Variants in ITGA8 observed in about 807,000 individuals in gnomAD.
ITGA8 encodes the protein integrin alpha-8.
A neutral mutation model predicts 142.3 loss-of-function variants in ITGA8; 91 were observed. That is an observed-to-expected ratio of 0.64 (90% confidence interval 0.54 to 0.76). The LOEUF is 0.76. Among genes scored for constraint, ITGA8 ranks in the 30% least tolerant of loss-of-function variants. The pLI is 0.00. For synonymous variants in ITGA8, 505 were observed against 485.2 expected, an observed-to-expected ratio of 1.04 and a Z score of -0.54; for missense variants, 1,406 against 1,327.7, an observed-to-expected ratio of 1.06 and a Z score of -0.92.
intron 21 of ITGA8, chr10:15,596,545 G>GC (rs1441605058): frequency 6.6e-6 from 1 of 152,070 alleles, no homozygotes; most frequent in African/African-American, 2.4e-5. Context: ...ATTTATTTTT[G>GC]CCCCAAGAAG....
chr10:15,644,249 T>A, intron 12 of ITGA8, 28 bp from the exon 13 acceptor site: 10 of 1,591,392 alleles, frequency 6.3e-6, no homozygotes, highest in Non-Finnish European at 8.6e-6. Context: ...ACATGTTTTA[T>A]GTGTATATGT....
chr10:15,597,168 T>C (rs764630722), intron 21 of ITGA8, 39 bp downstream of exon 21: 2 of 1,505,038 alleles, frequency 1.3e-6, no homozygotes, highest in Non-Finnish European at 1.9e-6. Context: ...TGAAGTCCAG[T>C]TAGAAGGAAA....
chr10:15,695,350 T>C (rs1252085805), intron 2 of ITGA8, among the ~76,000 whole-genome samples: 2 of 152,204 alleles, frequency 1.3e-5, no homozygotes, highest in African/African-American at 4.8e-5. Flanking sequence ...TAAAATTCTG[T>C]TTTATTATTT....
intron 2 of ITGA8, among the ~76,000 whole-genome samples, chr10:15,689,878 C>A (rs569417252): frequency 6.6e-6 from 1 of 152,178 alleles, no homozygotes; most frequent in Non-Finnish European, 1.5e-5. Context: ...GTGGGCCCAG[C>A]AGAAAAGCTG....
intron 8 of ITGA8, among the ~76,000 whole-genome samples, chr10:15,666,683 G>T (rs986246893): frequency 3.3e-5 from 5 of 152,074 alleles, no homozygotes; most frequent in African/African-American, 1.2e-4. Context: ...ATTATTTTGA[G>T]ATATGTCCCA....
chr10:15,573,128 T>C (rs1834217643), intron 24 of ITGA8, among the ~76,000 whole-genome samples: 1 of 152,216 alleles, frequency 6.6e-6, no homozygotes, highest in South Asian at 2.1e-4. Flanking sequence ...CAATGGATAA[T>C]TGCTTTTGCT....
chr10:15,644,050 A>G lies in ITGA8; in HGVS notation c.1379T>C (p.Ile460Thr). 4 of 1,613,790 alleles carry G rather than the reference A, an allele frequency of 2.5e-6. No individual in the cohort carries two copies. The highest frequency in any genetic ancestry group is 3.4e-6 in the Non-Finnish European group (4 of 1,179,802). ...FGFTLRGDSD[I>T]DKNDYPDLIV... ...CTTACCTGGGTAATCATTCTTGTCT[A>G]TGTCTGAATCTCCTCTTAAAGTAAA... The change falls in exon 13 of 30, where the codon ATA (isoleucine) becomes ACA (threonine). Residue 460 changes from isoleucine (I) to threonine (T), a missense_variant. Coordinates refer to ENST00000378076, the MANE Select transcript of ITGA8 (RefSeq NM_003638.3).
In ITGA8 at chr10:15,604,367, G is replaced by C; in HGVS notation, c.1971-12C>G. The C allele has an allele frequency of 6.3e-7, 1 of 1,599,284 alleles. No homozygotes were observed. Among genetic ancestry groups the C allele is most frequent in the Non-Finnish European group, 8.5e-7 (1 of 1,173,978 alleles). ...CCTGATGCTTATCTCTAAAAATGCA[G>C]TTTAAAAAGAAGGATTAGGTACTCT... On this transcript the variant is annotated splice_polypyrimidine_tract_variant and intron_variant, in intron 19 of 29. Coordinates refer to ENST00000378076, the MANE Select transcript of ITGA8 (RefSeq NM_003638.3).
At chr10:15,548,061 T>TA (rs200516856) in intron 27 of ITGA8, among the ~76,000 whole-genome samples, 8,070 of 151,680 alleles carry the variant, frequency 0.053, 715 homozygotes, top group African/African-American at 0.18. Context: ...TTGAAAAATG[T>TA]AAAAAAAATT....
At chr10:15,687,915 A>C (rs1315619200) in intron 3 of ITGA8, 23 bp downstream of exon 3, 1 of 1,399,914 alleles carries the variant, frequency 7.1e-7, no homozygotes, top group Admixed American at 1.7e-5. Context: ...AAGCAGCAGC[A>C]CAAGCCCACG....
chr10:15,619,064 G>C (rs185924820), intron 13 of ITGA8, among the ~76,000 whole-genome samples: 3 of 152,284 alleles, frequency 2.0e-5, no homozygotes, highest in African/African-American at 7.2e-5. Flanking sequence ...AAGTGGGATA[G>C]CTGAGGTTTG....
At chr10:15,680,486 A>C (rs952702012) in intron 4 of ITGA8, among the ~76,000 whole-genome samples, 1 of 152,008 alleles carries the variant, frequency 6.6e-6, no homozygotes, top group Admixed American at 6.6e-5. Context: ...TCATCTCTAT[A>C]ATCTGGAATA....
At chr10:15,661,652 A>G (rs1164130236) in intron 8 of ITGA8, among the ~76,000 whole-genome samples, 2 of 152,146 alleles carry the variant, frequency 1.3e-5, no homozygotes, top group Non-Finnish European at 2.9e-5. Flanking sequence ...CTTTTACTAT[A>G]GTGACATCTT....
chr10:15,572,302 C>G lies in ITGA8; in HGVS notation c.2546G>C (p.Arg849Pro). 1 of 1,613,828 alleles carries G rather than the reference C, an allele frequency of 6.2e-7. No individual in the cohort carries two copies. ...ILEVGWPFSA[R>P]DEFLLYIFHI... ...GAAAATATAGAGAAGAAATTCATCC[C>G]GGGCAGAGAAAGGCCAGCCCACCTC... The change falls in exon 25 of 30, where the codon CGG becomes CCG. Residue 849 changes from arginine (R) to proline (P), a missense_variant. Coordinates refer to ENST00000378076, the MANE Select transcript of ITGA8 (RefSeq NM_003638.3).
intron 8 of ITGA8, among the ~76,000 whole-genome samples, chr10:15,666,138 TC>T (rs1233193170): frequency 1.3e-5 from 2 of 152,256 alleles, no homozygotes; most frequent in African/African-American, 2.4e-5. Context: ...TATTGATTCT[TC>T]CTACCCATGA....
intron 13 of ITGA8, among the ~76,000 whole-genome samples, chr10:15,641,008 C>A (rs908602831): frequency 6.6e-6 from 1 of 152,162 alleles, no homozygotes; most frequent in Non-Finnish European, 1.5e-5. Flanking sequence ...AACAGGTAAA[C>A]CCCTTTCTAT....
chr10:15,716,670 AT>A (rs796458374), intron 2 of ITGA8, among the ~76,000 whole-genome samples: 219 of 135,020 alleles, frequency 1.6e-3, no homozygotes, highest in Non-Finnish European at 2.0e-3. Flanking sequence ...AACCTATTGT[AT>A]TTTTTTTTTT....
intron 4 of ITGA8, among the ~76,000 whole-genome samples, chr10:15,679,513 C>T (rs542400938): frequency 1.6e-4 from 24 of 152,158 alleles, no homozygotes; most frequent in Middle Eastern, 3.4e-3. Context: ...ACCCAGGAGG[C>T]GGAGGTTGCA....
chr10:15,518,477 C>T (rs367769256), intron 29 of ITGA8, among the ~76,000 whole-genome samples: 1 of 152,304 alleles, frequency 6.6e-6, no homozygotes, highest in East Asian at 1.9e-4. Flanking sequence ...AACTCAAAGC[C>T]AAGGTTTTCT....
Sources: gnomAD v4.1 joint callset for allele counts (sites outside exome capture counted in the v4.1 genomes callset) on GRCh38, gnomAD v4.1.1 for gene constraint, MANE v1.5 for transcripts, NCBI Gene and HGNC (gene_info 2026-07-23, HGNC 2026-07-21) for gene names.